ZDHHC14: variants seen among roughly 807,000 people sequenced by gnomAD.
The protein encoded by ZDHHC14 is zDHHC palmitoyltransferase 14, also known as palmitoyltransferase ZDHHC14.
Under a neutral mutation model 47.7 loss-of-function variants are expected in ZDHHC14, and 16 were observed. That is an observed-to-expected ratio of 0.34 (90% CI 0.23 to 0.51). The LOEUF is 0.51. ZDHHC14 is among the 20% of genes least tolerant of loss of function. ZDHHC14 has a pLI of 0.97. For synonymous variants in ZDHHC14, 293 were observed against 278.9 expected (o/e 1.05, Z -0.50); for missense variants, 515 against 662.5 (o/e 0.78, Z 2.44).
At chr6:157,558,865 T>G (rs1566957) in intron 2 of ZDHHC14, among the ~76,000 whole-genome samples, 46,023 of 151,766 alleles carry the variant, frequency 0.3, 7,104 homozygotes, top group East Asian at 0.41. Flanking sequence ...GTAGGAACTT[T>G]CTAGGGGAGA....
chr6:157,611,685 C>T (rs1784756117), intron 3 of ZDHHC14, among the ~76,000 whole-genome samples: 1 of 152,224 alleles, frequency 6.6e-6, no homozygotes, highest in Admixed American at 6.5e-5. Context: ...TTATTTCTGC[C>T]TGGAATTGTC....
At chr6:157,662,374 G>T (rs1778383176) in intron 8 of ZDHHC14, among the ~76,000 whole-genome samples, 1 of 152,154 alleles carries the variant, frequency 6.6e-6, no homozygotes, top group African/African-American at 2.4e-5. Flanking sequence ...TACAGACAGG[G>T]TTTCACCATG....
chr6:157,588,309 A>C (rs188869357), intron 2 of ZDHHC14, among the ~76,000 whole-genome samples: 34 of 152,032 alleles, frequency 2.2e-4, no homozygotes, highest in East Asian at 7.7e-4. Flanking sequence ...AAATTTAAAA[A>C]TTAGCCAGGC....
At chr6:157,516,692 A>G (rs2114758707) in intron 1 of ZDHHC14, among the ~76,000 whole-genome samples, 1 of 152,348 alleles carries the variant, frequency 6.6e-6, no homozygotes, top group Non-Finnish European at 1.5e-5. Context: ...CACAAATCCA[A>G]GGAGAAAGAA....
At chr6:157,519,046 C>T (rs1780812836) in intron 1 of ZDHHC14, among the ~76,000 whole-genome samples, 2 of 152,200 alleles carry the variant, frequency 1.3e-5, no homozygotes, top group South Asian at 2.1e-4. Flanking sequence ...GTCAACACAG[C>T]GTTATGAGGG....
intron 1 of ZDHHC14, among the ~76,000 whole-genome samples, chr6:157,419,332 A>G (rs564916754): frequency 6.6e-6 from 1 of 152,326 alleles, no homozygotes; most frequent in Non-Finnish European, 1.5e-5. Context: ...CCATCATTAC[A>G]GTTTCATACA....
At chr6:157,479,663 G>A (rs950352678) in intron 1 of ZDHHC14, among the ~76,000 whole-genome samples, 2 of 152,226 alleles carry the variant, frequency 1.3e-5, no homozygotes, top group Non-Finnish European at 2.9e-5. Flanking sequence ...AAGTGGCATG[G>A]AGGTGTTTAC....
chr6:157,409,989 G>A (rs867272950), intron 1 of ZDHHC14, among the ~76,000 whole-genome samples: 3 of 151,840 alleles, frequency 2.0e-5, no homozygotes, highest in African/African-American at 7.3e-5. Flanking sequence ...CCACCATCAC[G>A]CCCGGCTAAT....
chr6:157,484,188 T>C (rs747267614), intron 1 of ZDHHC14, among the ~76,000 whole-genome samples: 16 of 151,012 alleles, frequency 1.1e-4, no homozygotes, highest in Admixed American at 8.6e-4. Flanking sequence ...AAAATGCCTA[T>C]TGGGTACTAG....
intron 1 of ZDHHC14, among the ~76,000 whole-genome samples, chr6:157,454,868 A>G (rs1417936904): frequency 1.3e-5 from 2 of 152,276 alleles, no homozygotes; most frequent in South Asian, 2.1e-4. Flanking sequence ...ATGGTGTTAA[A>G]TATTCCTAAG....
At chr6:157,457,477 C>A (rs1014743130) in intron 1 of ZDHHC14, among the ~76,000 whole-genome samples, 3 of 152,158 alleles carry the variant, frequency 2.0e-5, no homozygotes, top group South Asian at 2.1e-4. Flanking sequence ...GACAATAAAG[C>A]CTGTACTGTT....
At chr6:157,653,800 T>A (rs757907223) in intron 8 of ZDHHC14, among the ~76,000 whole-genome samples, 173 bp downstream of exon 8, 1 of 152,198 alleles carries the variant, frequency 6.6e-6, no homozygotes, top group Non-Finnish European at 1.5e-5. Context: ...ACTAAGGCAG[T>A]AGCCCAGGAA....
At chr6:157,423,207 T>C (rs565183108) in intron 1 of ZDHHC14, among the ~76,000 whole-genome samples, 2 of 152,166 alleles carry the variant, frequency 1.3e-5, no homozygotes, top group Non-Finnish European at 2.9e-5. Flanking sequence ...CTTTAGGCCT[T>C]AATTTTCCCA....
intron 1 of ZDHHC14, among the ~76,000 whole-genome samples, chr6:157,434,516 T>C (rs1778401557): frequency 1.3e-5 from 2 of 151,890 alleles, no homozygotes; most frequent in Non-Finnish European, 2.9e-5. Flanking sequence ...TGGTGATCAC[T>C]TCCCACTAGT....
At chr6:157,520,106 C>T (rs551020515) in intron 1 of ZDHHC14, among the ~76,000 whole-genome samples, 345 of 152,308 alleles carry the variant, frequency 2.3e-3, no homozygotes, top group Non-Finnish European at 3.9e-3. Flanking sequence ...AGTCTGTCAT[C>T]GAGGTGCGTA....
At chr6:157,555,706 G>T (rs1204701371) in intron 2 of ZDHHC14, among the ~76,000 whole-genome samples, 1 of 152,170 alleles carries the variant, frequency 6.6e-6, no homozygotes, top group Non-Finnish European at 1.5e-5. Context: ...AGGGTTTACA[G>T]CCCCTGCCCT....
intron 1 of ZDHHC14, among the ~76,000 whole-genome samples, chr6:157,447,624 G>A (rs553912981): frequency 2.0e-3 from 308 of 152,290 alleles, no homozygotes; most frequent in African/African-American, 6.9e-3. Context: ...GCTGCAGGCA[G>A]GGTGAGGAAG....
chr6:157,667,323 G>T (rs745782515), intron 8 of ZDHHC14, among the ~76,000 whole-genome samples: 4 of 152,148 alleles, frequency 2.6e-5, no homozygotes, highest in African/African-American at 9.7e-5. Context: ...CCACCAAATT[G>T]TAAGAGAGAA....
intron 2 of ZDHHC14, among the ~76,000 whole-genome samples, chr6:157,556,564 C>T (rs1016861247): frequency 4.6e-5 from 7 of 152,214 alleles, no homozygotes; most frequent in South Asian, 2.1e-4. Flanking sequence ...CGCCAGCAGG[C>T]GGAACGGGTC....
Sources: allele counts gnomAD v4.1 joint callset (sites outside exome capture counted in the v4.1 genomes callset), GRCh38; gene constraint gnomAD v4.1.1; transcripts MANE v1.5; gene names NCBI Gene and HGNC (gene_info 2026-07-23, HGNC 2026-07-21).